The following AGMO variants were observed in gnomAD, a reference collection of about 807,000 sequenced individuals.
AGMO encodes alkylglycerol monooxygenase.
A neutral mutation model predicts 60.2 loss-of-function variants in AGMO; 75 were observed. That is an observed-to-expected ratio of 1.25 (90% CI 1.03 to 1.51). AGMO has a LOEUF of 1.51. Ranked by LOEUF, AGMO falls within the 40% of genes most tolerant of loss-of-function variation. The probability of loss-of-function intolerance (pLI) is 0.00; values close to 1 mark genes in which losing one functional copy is unlikely to be tolerated. For missense variants in AGMO, 763 were observed against 525.5 expected (o/e 1.45, Z -4.42); for synonymous variants, 261 against 177.1 (o/e 1.47, Z -3.76).
chr7:15,182,751 T>C, the AGMO span, among the ~76,000 whole-genome samples: 1 of 152,120 alleles, frequency 6.6e-6, no homozygotes. Context: ...GGTTCCGACA[T>C]TGCTATAAAT....
rs906630145 is a variant in AGMO at position 15,204,900 on chromosome 7, C to A, written c.1264-3541G>T. Among the ~76,000 whole-genome samples, 4 of 152,018 alleles carry A rather than the reference C, an allele frequency of 2.6e-5. No individual in the cohort carries two copies. In the East Asian group the frequency reaches 7.7e-4, roughly 29 times the overall value. On this transcript the variant is annotated intron_variant, in intron 12 of 12. Coordinates refer to ENST00000342526, the MANE Select transcript of AGMO (RefSeq NM_001004320.2). ...AAGAGACAAGGTCTTGCTATGTTGC[C>A]CAAACTGGACTCGAACTCCTGGGCT...
intron 12 of AGMO, among the ~76,000 whole-genome samples, chr7:15,246,281 A>G (rs1307879255): frequency 6.6e-6 from 1 of 152,024 alleles, no homozygotes; most frequent in Non-Finnish European, 1.5e-5. Context: ...TTGGTACTCA[A>G]AAGACATTTG....
intron 12 of AGMO, among the ~76,000 whole-genome samples, chr7:15,258,573 A>G (rs1379465869): frequency 6.6e-6 from 1 of 152,044 alleles, no homozygotes; most frequent in African/African-American, 2.4e-5. Context: ...AATAAAATAA[A>G]AAAAGAAAAA....
At chr7:15,237,687 T>C (rs943934862) in intron 12 of AGMO, among the ~76,000 whole-genome samples, 22 of 152,074 alleles carry the variant, frequency 1.4e-4, no homozygotes, top group Non-Finnish European at 2.9e-4. Context: ...CTTTAAATGA[T>C]AGCAATACAC....
At chr7:15,500,674 T>C (rs1783359562) in intron 3 of AGMO, among the ~76,000 whole-genome samples, 2 of 151,968 alleles carry the variant, frequency 1.3e-5, no homozygotes, top group African/African-American at 2.4e-5. Flanking sequence ...TGGTTTTCCA[T>C]GTCTCAGTTT....
intron 8 of AGMO, among the ~76,000 whole-genome samples, chr7:15,387,957 G>C (rs1041898093): frequency 4.6e-5 from 6 of 130,732 alleles, no homozygotes; most frequent in South Asian, 2.1e-4. Flanking sequence ...GCCCAGGCTG[G>C]AGTGCAGTGG....
chr7:15,205,297 T>C (rs1781411812), intron 12 of AGMO, among the ~76,000 whole-genome samples: 1 of 152,186 alleles, frequency 6.6e-6, no homozygotes, highest in Admixed American at 6.5e-5. Flanking sequence ...GTGGTAGTGA[T>C]GAAATAAGAC....
At chr7:15,482,528 T>C (rs1235961769) in intron 3 of AGMO, among the ~76,000 whole-genome samples, 3 of 152,054 alleles carry the variant, frequency 2.0e-5, no homozygotes, top group Non-Finnish European at 4.4e-5. Flanking sequence ...CCATACTAAA[T>C]ACCCAGGACC....
At position 15,280,276 on chromosome 7, in the gene AGMO, C is replaced by G. The variant is rs558707458; in HGVS notation, c.1264-78917G>C. On this transcript the variant is annotated intron_variant, in intron 12 of 12. Transcript: ENST00000342526. ...CTGGTGGAGCAGTGTGGGTGTGGGA[C>G]CTGCCTTGCCAAATGCATGGAAGCT... is the stretch of plus-strand genomic sequence containing the variant. Among the ~76,000 whole-genome samples, 8 of 152,270 alleles carry G rather than the reference C, an allele frequency of 5.3e-5. No homozygotes were observed. In the East Asian group the frequency reaches 1.3e-3, roughly 26 times the overall value.
downstream of AGMO, among the ~76,000 whole-genome samples, chr7:15,198,225 G>C (rs918046603): frequency 1.1e-4 from 13 of 116,002 alleles, 1 homozygote; most frequent in South Asian, 3.2e-3. Flanking sequence ...GAGAGAGAGA[G>C]AGAGAGAGAG....
At chr7:15,322,735 A>AATATATATAC (rs1263030807) in intron 12 of AGMO, among the ~76,000 whole-genome samples, 2 of 124,168 alleles carry the variant, frequency 1.6e-5, no homozygotes, top group South Asian at 4.4e-4. Flanking sequence ...TATATATATA[A>AATATATATAC]ATATATAAAT....
At chr7:15,180,058 C>T in the AGMO span, among the ~76,000 whole-genome samples, 1 of 152,130 alleles carries the variant, frequency 6.6e-6, no homozygotes, top group Non-Finnish European at 1.5e-5. Flanking sequence ...AGGAAAACCT[C>T]CAAGATCTTT....
At chr7:15,554,077 T>C (rs1164559798) in intron 2 of AGMO, among the ~76,000 whole-genome samples, 1 of 152,090 alleles carries the variant, frequency 6.6e-6, no homozygotes, top group Admixed American at 6.6e-5. Flanking sequence ...ACCTAACCAA[T>C]ACAGCTGGGA....
chr7:15,189,074 T>G, the AGMO span, among the ~76,000 whole-genome samples: 1 of 152,162 alleles, frequency 6.6e-6, no homozygotes, highest in Admixed American at 6.6e-5. Context: ...AATAGCATTT[T>G]TAAAATATTT....
intron 3 of AGMO, among the ~76,000 whole-genome samples, chr7:15,466,933 G>C (rs1179257926): frequency 6.6e-6 from 1 of 152,084 alleles, no homozygotes; most frequent in Non-Finnish European, 1.5e-5. Flanking sequence ...GGAGGAAAAT[G>C]ATTAGTAATG....
intron 3 of AGMO, among the ~76,000 whole-genome samples, chr7:15,444,361 C>T (rs1467948908): frequency 6.6e-6 from 1 of 152,074 alleles, no homozygotes; most frequent in Non-Finnish European, 1.5e-5. Flanking sequence ...CTTGACCCTC[C>T]CATTCCCTAA....
In AGMO at chr7:15,385,090, GTA is replaced by G. The variant is rs924572370; in HGVS notation, c.1074+354_1074+355del. On this transcript the variant is annotated intron_variant, in intron 10 of 12. Transcript: ENST00000342526. ...CAGGGAATTCTCTAAGTGAAGGTAA[GTA>G]TGTTGAAACTGATGAAAAGTGTAAT... is the stretch of plus-strand genomic sequence containing the variant. Among the ~76,000 whole-genome samples, 6 of 152,298 alleles carry G rather than the reference GTA, an allele frequency of 3.9e-5. 2 individuals are homozygous for G. Among genetic ancestry groups the G allele is most frequent in the South Asian group, 4.1e-4 (2 of 4,830 alleles).
chr7:15,133,136 T>C, the AGMO span, among the ~76,000 whole-genome samples: 1 of 152,178 alleles, frequency 6.6e-6, no homozygotes, highest in Non-Finnish European at 1.5e-5. Context: ...GCTATTTAGC[T>C]TTTTGAGAAG....
At chr7:15,333,834 T>C (rs888213641) in intron 12 of AGMO, among the ~76,000 whole-genome samples, 6 of 152,038 alleles carry the variant, frequency 3.9e-5, no homozygotes, top group African/African-American at 1.4e-4. Flanking sequence ...GTTTGGTATT[T>C]AGTGGTCATT....
Sources: gnomAD v4.1 joint callset for allele counts (sites outside exome capture counted in the v4.1 genomes callset) on GRCh38, gnomAD v4.1.1 for gene constraint, MANE v1.5 for transcripts, NCBI Gene and HGNC (gene_info 2026-07-23, HGNC 2026-07-21) for gene names.